LRMDA: variants seen among roughly 807,000 people sequenced by gnomAD.
The protein encoded by LRMDA is leucine rich melanocyte differentiation associated.
A neutral mutation model predicts 29.8 loss-of-function variants in LRMDA; 18 were observed. The ratio of observed to expected loss-of-function variants is 0.60; its 90% confidence interval spans 0.42 to 0.90. LRMDA has a LOEUF of 0.90. Among genes scored for constraint, LRMDA ranks in the 40% least tolerant of loss-of-function variants. LRMDA has a pLI of 0.00. For synonymous variants in LRMDA, 125 were observed against 109.4 expected, an observed-to-expected ratio of 1.14 and a Z score of -0.89; for missense variants, 273 against 273.9, an observed-to-expected ratio of 1.00 and a Z score of 0.02.
At chr10:75,970,550 A>G (rs939120688) in intron 2 of LRMDA, among the ~76,000 whole-genome samples, 1 of 152,216 alleles carries the variant, frequency 6.6e-6, no homozygotes, top group Non-Finnish European at 1.5e-5. Flanking sequence ...CCCACTGTGC[A>G]TCATGGTGCT....
intron 5 of LRMDA, among the ~76,000 whole-genome samples, chr10:76,084,362 T>A (rs527944818): frequency 1.4e-3 from 181 of 126,248 alleles, no homozygotes; most frequent in African/African-American, 4.9e-3. Flanking sequence ...TGCGCCCAGC[T>A]AATTTTTTTT....
At chr10:75,523,860 A>G (rs1271664313) in intron 2 of LRMDA, among the ~76,000 whole-genome samples, 1 of 152,110 alleles carries the variant, frequency 6.6e-6, no homozygotes, top group Non-Finnish European at 1.5e-5. Flanking sequence ...AGTGTCTGAT[A>G]AAATGTCAGC....
chr10:76,276,691 G>A (rs961721692), intron 5 of LRMDA, among the ~76,000 whole-genome samples: 4 of 152,104 alleles, frequency 2.6e-5, no homozygotes, highest in Non-Finnish European at 5.9e-5. Flanking sequence ...TGTATATTTA[G>A]TAATTTTTGG....
At chr10:76,443,102 C>A (rs117970452) in intron 6 of LRMDA, among the ~76,000 whole-genome samples, 2,457 of 152,276 alleles carry the variant, frequency 0.016, 63 homozygotes, top group South Asian at 0.1. Flanking sequence ...TCATTCCTAG[C>A]ACAGTGTTTC....
At chr10:75,929,951 T>C (rs941094340) in intron 2 of LRMDA, among the ~76,000 whole-genome samples, 1 of 152,194 alleles carries the variant, frequency 6.6e-6, no homozygotes, top group African/African-American at 2.4e-5. Flanking sequence ...CATTCTTAGG[T>C]ACTATTGGCA....
chr10:76,040,553 C>G (rs527266781), intron 3 of LRMDA, among the ~76,000 whole-genome samples: 1 of 151,788 alleles, frequency 6.6e-6, no homozygotes, highest in African/African-American at 2.4e-5. Flanking sequence ...GAACCCCTTC[C>G]CCACTGCTCA....
At chr10:75,692,219 A>AATATATATATATATATATAT (rs57600678) in intron 2 of LRMDA, among the ~76,000 whole-genome samples, 11 of 87,558 alleles carry the variant, frequency 1.3e-4, no homozygotes, top group African/African-American at 5.5e-4. Flanking sequence ...AAAAAAAAAA[A>AATATATATATATATATATAT]ATATATATAT....
At chr10:75,604,021 C>G (rs908735252) in intron 2 of LRMDA, among the ~76,000 whole-genome samples, 3 of 152,096 alleles carry the variant, frequency 2.0e-5, no homozygotes, top group African/African-American at 7.2e-5. Context: ...TGGGTTCTAG[C>G]CTTTCCCCAT....
At chr10:76,482,318 C>T (rs1212190496) in intron 6 of LRMDA, among the ~76,000 whole-genome samples, 1 of 151,912 alleles carries the variant, frequency 6.6e-6, no homozygotes, top group Non-Finnish European at 1.5e-5. Context: ...ATTATTCGCA[C>T]ACTTAAATCC....
At chr10:76,434,128 G>C (rs1037408818) in intron 6 of LRMDA, among the ~76,000 whole-genome samples, 2 of 149,782 alleles carry the variant, frequency 1.3e-5, no homozygotes, top group Admixed American at 6.7e-5. Context: ...CTTGGTAACT[G>C]TTGCCTTCTC....
intron 5 of LRMDA, among the ~76,000 whole-genome samples, chr10:76,268,681 T>G (rs536577868): frequency 6.6e-6 from 1 of 152,314 alleles, no homozygotes; most frequent in East Asian, 1.9e-4. Flanking sequence ...ACCTTGAGAA[T>G]GAGCTCCTGA....
intron 5 of LRMDA, among the ~76,000 whole-genome samples, chr10:76,312,518 G>C (rs1052747188): frequency 1.1e-4 from 17 of 152,086 alleles, no homozygotes; most frequent in Non-Finnish European, 2.4e-4. Flanking sequence ...GAGAGGAAAA[G>C]AGACACATGA....
chr10:75,516,489 G>A (rs1845291366), intron 2 of LRMDA, among the ~76,000 whole-genome samples: 1 of 152,156 alleles, frequency 6.6e-6, no homozygotes, highest in Non-Finnish European at 1.5e-5. Context: ...TCTGTTGGCT[G>A]CATAAATGTC....
intron 2 of LRMDA, among the ~76,000 whole-genome samples, chr10:75,468,799 T>C (rs1332185284): frequency 6.6e-6 from 1 of 151,964 alleles, no homozygotes; most frequent in African/African-American, 2.4e-5. Context: ...ATGGCGGCCG[T>C]CCAGCCTGTG....
intron 2 of LRMDA, among the ~76,000 whole-genome samples, chr10:75,649,756 G>A (rs962312047): frequency 3.3e-5 from 5 of 152,132 alleles, no homozygotes; most frequent in East Asian, 1.9e-4. Flanking sequence ...ACAACTTTCC[G>A]ATTTCTCTAC....
chr10:75,943,256 A>T (rs1410726301), intron 2 of LRMDA, among the ~76,000 whole-genome samples: 1 of 152,050 alleles, frequency 6.6e-6, no homozygotes, highest in East Asian at 1.9e-4. Context: ...GCACATTTTA[A>T]CTTCTAAATC....
chr10:76,144,672 A>G (rs1850276137), intron 5 of LRMDA, among the ~76,000 whole-genome samples: 1 of 152,126 alleles, frequency 6.6e-6, no homozygotes, highest in African/African-American at 2.4e-5. Context: ...TTCCTAATTG[A>G]ATACCCTTTA....
chr10:76,326,371 T>C (rs913051427), intron 6 of LRMDA, among the ~76,000 whole-genome samples: 2 of 152,236 alleles, frequency 1.3e-5, no homozygotes, highest in African/African-American at 4.8e-5. Context: ...CTCATTTTTT[T>C]AGTATTTAAA....
intron 2 of LRMDA, among the ~76,000 whole-genome samples, chr10:75,750,890 C>T (rs546439446): frequency 1.0e-3 from 157 of 150,294 alleles, no homozygotes; most frequent in Middle Eastern, 3.5e-3. Flanking sequence ...CAGGCAGAGA[C>T]GCTCCTCACT....
Sources: allele counts gnomAD v4.1 joint callset (sites outside exome capture counted in the v4.1 genomes callset), GRCh38; gene constraint gnomAD v4.1.1; transcripts MANE v1.5; gene names NCBI Gene and HGNC (gene_info 2026-07-23, HGNC 2026-07-21).